ZNF676: variants seen among roughly 807,000 people sequenced by gnomAD.
ZNF676 encodes the protein zinc finger protein 676.
In ZNF676, 4 loss-of-function variants were observed where a neutral mutation model predicts 6.0. That is an observed-to-expected ratio of 0.67 (90% CI 0.33 to 1.53). The LOEUF is 1.53. Among genes scored for constraint, ZNF676 ranks in the 40% most tolerant of loss-of-function variants. The pLI is 0.06. For synonymous variants in ZNF676, 198 were observed against 223.1 expected, an observed-to-expected ratio of 0.89 and a Z score of 1.00; for missense variants, 644 against 679.7, an observed-to-expected ratio of 0.95 and a Z score of 0.58.
the ZNF676 span, among the ~76,000 whole-genome samples, chr19:22,247,690 C>T: frequency 6.6e-6 from 1 of 151,994 alleles, no homozygotes; most frequent in African/African-American, 2.4e-5. Context: ...GAGGCTGAGG[C>T]AGGAGAATGT....
intron 2 of ZNF676, among the ~76,000 whole-genome samples, chr19:22,190,623 A>G (rs2023888647): frequency 2.3e-5 from 2 of 85,992 alleles, no homozygotes; most frequent in Non-Finnish European, 5.3e-5. Flanking sequence ...AATAAAATAG[A>G]ATGCAACATA....
intron 1 of ZNF676, among the ~76,000 whole-genome samples, chr19:22,205,945 C>CA (rs1361631650): frequency 6.6e-6 from 1 of 151,208 alleles, no homozygotes; most frequent in Admixed American, 6.6e-5. Context: ...TTAGAAATGA[C>CA]AAAAAGAGAC....
chr19:22,213,238 G>A (rs1305687592), intron 1 of ZNF676, among the ~76,000 whole-genome samples: 2 of 152,128 alleles, frequency 1.3e-5, no homozygotes, highest in African/African-American at 4.8e-5. Flanking sequence ...TCTCACTGGG[G>A]TCAGTTTCTT....
intron 1 of ZNF676, 74 bp downstream of exon 1, chr19:22,196,526 T>C: frequency 1.9e-6 from 3 of 1,610,724 alleles, no homozygotes; most frequent in Non-Finnish European, 2.5e-6. Flanking sequence ...CCTCCTTTGT[T>C]CAGTCCAATA....
intron 2 of ZNF676, among the ~76,000 whole-genome samples, chr19:22,188,882 C>T (rs1483261132): frequency 3.9e-5 from 6 of 152,026 alleles, no homozygotes; most frequent in African/African-American, 7.2e-5. Context: ...GAACATTCCA[C>T]GCTCATGCAT....
At chr19:22,213,739 T>C (rs2024155822) in intron 1 of ZNF676, among the ~76,000 whole-genome samples, 1 of 152,174 alleles carries the variant, frequency 6.6e-6, no homozygotes, top group South Asian at 2.1e-4. Flanking sequence ...CTACACTCCA[T>C]ATCTCTGGTT....
chr19:22,209,073 T>C (rs2024104434), intron 1 of ZNF676, among the ~76,000 whole-genome samples: 1 of 152,204 alleles, frequency 6.6e-6, no homozygotes, highest in South Asian at 2.1e-4. Flanking sequence ...AAGACCAGCC[T>C]GGCCAACATG....
chr19:22,233,390 C>A, the ZNF676 span, among the ~76,000 whole-genome samples: 2 of 152,024 alleles, frequency 1.3e-5, no homozygotes, highest in African/African-American at 4.8e-5. Flanking sequence ...GTTTTGTATA[C>A]ATTGTAATCT....
chr19:22,247,603 G>T, the ZNF676 span, among the ~76,000 whole-genome samples: 122 of 150,062 alleles, frequency 8.1e-4, no homozygotes, highest in Admixed American at 3.3e-4. Context: ...GCCCCTCTCA[G>T]TAATGTCACT....
the ZNF676 span, among the ~76,000 whole-genome samples, chr19:22,238,821 G>A: frequency 1.3e-5 from 2 of 152,200 alleles, no homozygotes; most frequent in African/African-American, 4.8e-5. Flanking sequence ...GGAGAAAGAT[G>A]TAGGCTGGGA....
the ZNF676 span, among the ~76,000 whole-genome samples, chr19:22,227,977 A>T: frequency 6.6e-6 from 1 of 152,136 alleles, no homozygotes; most frequent in South Asian, 2.1e-4. Flanking sequence ...CAAACAATAG[A>T]GAAAGAGGGA....
At chr19:22,230,507 G>GA in the ZNF676 span, among the ~76,000 whole-genome samples, 5 of 126,408 alleles carry the variant, frequency 4.0e-5, no homozygotes, top group Non-Finnish European at 6.7e-5. Flanking sequence ...TAATAAAAAA[G>GA]GAAAAAAAAG....
intron 1 of ZNF676, among the ~76,000 whole-genome samples, chr19:22,211,828 G>A (rs1434921527): frequency 2.6e-5 from 4 of 152,060 alleles, no homozygotes; most frequent in Non-Finnish European, 4.4e-5. Flanking sequence ...AGCCAAAACG[G>A]AAGAAAAAAT....
At chr19:22,208,473 C>G (rs10418058) in intron 1 of ZNF676, among the ~76,000 whole-genome samples, 2 of 152,076 alleles carry the variant, frequency 1.3e-5, no homozygotes, top group South Asian at 2.1e-4. Flanking sequence ...TGATTCCTCA[C>G]TAAACTAAAA....
At chr19:22,192,733 A>AAACC (rs1303811577) in intron 2 of ZNF676, among the ~76,000 whole-genome samples, 5 of 151,024 alleles carry the variant, frequency 3.3e-5, no homozygotes, top group African/African-American at 1.2e-4. Flanking sequence ...CCACAAAAAC[A>AAACC]AAAAAAAGTC....
intron 1 of ZNF676, among the ~76,000 whole-genome samples, chr19:22,211,293 T>C (rs1340670549): frequency 1.3e-5 from 2 of 152,104 alleles, no homozygotes; most frequent in Non-Finnish European, 2.9e-5. Context: ...ATGGCTGCGG[T>C]AAGCAGGCTG....
In ZNF676 at chr19:22,213,840, A is replaced by G. The variant is rs140062581; in HGVS notation, c.3+1792T>C. Among the ~76,000 whole-genome samples the G allele has an allele frequency of 7.7e-3, 1,168 of 152,312 alleles. 14 individuals are homozygous for G. The highest frequency in any genetic ancestry group is 0.026 in the African/African-American group (1,093 of 41,566). On this transcript the variant is annotated intron_variant, in intron 1 of 3. Transcript: ENST00000650058. ...CCAGTATCTTGGTTTTTCCCCAGAC[A>G]GTACTGAATCTCAGGTCCAAGGAAA...
At chr19:22,220,696 A>AT (rs1464088316), upstream of ZNF676, among the ~76,000 whole-genome samples, 1 of 152,066 alleles carries the variant, frequency 6.6e-6, no homozygotes, top group African/African-American at 2.4e-5. Context: ...ACCTCAAGTG[A>AT]TCCCCCCACC....
chr19:22,230,969 G>A, the ZNF676 span, among the ~76,000 whole-genome samples: 1 of 151,962 alleles, frequency 6.6e-6, no homozygotes, highest in Admixed American at 6.6e-5. Flanking sequence ...AAAAAAAAAG[G>A]GGGGATTATT....
Sources: allele counts gnomAD v4.1 joint callset (sites outside exome capture counted in the v4.1 genomes callset), GRCh38; gene constraint gnomAD v4.1.1; transcripts MANE v1.5; gene names NCBI Gene and HGNC (gene_info 2026-07-23, HGNC 2026-07-21).